The following ARB2A variants were observed in gnomAD, a reference collection of about 807,000 sequenced individuals.
ARB2A encodes cotranscriptional regulator ARB2A.
the ARB2A span, among the ~76,000 whole-genome samples, chr5:93,623,518 C>CA: frequency 5.3e-5 from 8 of 152,268 alleles, no homozygotes; most frequent in Non-Finnish European, 1.0e-4. Flanking sequence ...TTACGGGTAA[C>CA]AATCCTTCTG....
At chr5:93,868,318 TCAA>T in the ARB2A span, among the ~76,000 whole-genome samples, 3 of 151,976 alleles carry the variant, frequency 2.0e-5, no homozygotes, top group Admixed American at 6.6e-5. Flanking sequence ...GGACACTATC[TCAA>T]CAACAACAAG....
chr5:93,730,856 G>A, the ARB2A span, among the ~76,000 whole-genome samples: 4 of 152,074 alleles, frequency 2.6e-5, no homozygotes, highest in African/African-American at 9.7e-5. Context: ...GTCCTGCTCC[G>A]AAAATACAGA....
the ARB2A span, among the ~76,000 whole-genome samples, chr5:94,088,334 A>C: frequency 4.6e-5 from 7 of 152,312 alleles, no homozygotes; most frequent in South Asian, 1.2e-3. Flanking sequence ...TATTGTTTAA[A>C]ACTTGACTTA....
chr5:93,775,993 C>T, the ARB2A span, among the ~76,000 whole-genome samples: 5 of 152,152 alleles, frequency 3.3e-5, no homozygotes, highest in Non-Finnish European at 7.3e-5. Flanking sequence ...AGCTACTTAA[C>T]AAATATGTGA....
At chr5:93,881,991 GAAAT>G in the ARB2A span, among the ~76,000 whole-genome samples, 1 of 150,904 alleles carries the variant, frequency 6.6e-6, no homozygotes, top group Non-Finnish European at 1.5e-5. Flanking sequence ...AAAAATGACT[GAAAT>G]AAATTAGCAA....
the ARB2A span, among the ~76,000 whole-genome samples, chr5:94,085,109 T>C: frequency 6.6e-6 from 1 of 152,184 alleles, no homozygotes; most frequent in Admixed American, 6.5e-5. Flanking sequence ...AAAACTAGCA[T>C]GAGATATCCA....
At chr5:93,672,273 T>C in the ARB2A span, among the ~76,000 whole-genome samples, 1 of 152,042 alleles carries the variant, frequency 6.6e-6, no homozygotes, top group East Asian at 1.9e-4. Context: ...GCAGTAGTCT[T>C]AAAAAAGTAG....
At chr5:93,791,829 G>C in the ARB2A span, among the ~76,000 whole-genome samples, 1 of 152,108 alleles carries the variant, frequency 6.6e-6, no homozygotes, top group Non-Finnish European at 1.5e-5. Flanking sequence ...GCGGCCAGAA[G>C]AGAGCAGTAA....
chr5:93,756,504 G>A, the ARB2A span, among the ~76,000 whole-genome samples: 392 of 152,242 alleles, frequency 2.6e-3, 1 homozygote, highest in African/African-American at 7.7e-3. Context: ...TGGAACAGGC[G>A]TTGGTATCCA....
chr5:93,718,424 G>A, the ARB2A span, among the ~76,000 whole-genome samples: 4 of 152,032 alleles, frequency 2.6e-5, no homozygotes, highest in East Asian at 2.0e-4. Flanking sequence ...GCAATGGAGC[G>A]AGACTCCGTC....
chr5:93,787,799 T>C, the ARB2A span, among the ~76,000 whole-genome samples: 4,312 of 152,290 alleles, frequency 0.028, 187 homozygotes, highest in African/African-American at 0.098. Flanking sequence ...CAGTAAGGAA[T>C]GTTGAAATTC....
At chr5:93,740,120 C>T in the ARB2A span, 1 of 152,956 alleles carries the variant, frequency 6.5e-6, no homozygotes, top group Non-Finnish European at 1.5e-5. Flanking sequence ...AACTATTATC[C>T]TGGATTTTGT....
the ARB2A span, among the ~76,000 whole-genome samples, chr5:93,772,859 G>C: frequency 6.6e-6 from 1 of 152,216 alleles, no homozygotes; most frequent in Non-Finnish European, 1.5e-5. Context: ...GAGGACAAGA[G>C]AGAGCCTGAG....
chr5:93,896,997 T>C, the ARB2A span, among the ~76,000 whole-genome samples: 7 of 152,034 alleles, frequency 4.6e-5, no homozygotes, highest in African/African-American at 1.2e-4. Flanking sequence ...AGCGCTTGCA[T>C]ACTTTAAAGC....
chr5:93,736,616 G>A, the ARB2A span: 1 of 152,156 alleles, frequency 6.6e-6, no homozygotes, highest in African/African-American at 2.4e-5. Flanking sequence ...AGGTCTCTTA[G>A]GTGTGGGTGC....
the ARB2A span, among the ~76,000 whole-genome samples, chr5:93,873,210 T>G: frequency 6.7e-6 from 1 of 149,980 alleles, no homozygotes; most frequent in East Asian, 2.0e-4. Flanking sequence ...GAGGATTGCT[T>G]GAGGCCAGGA....
the ARB2A span, among the ~76,000 whole-genome samples, chr5:93,796,410 A>C: frequency 6.6e-6 from 1 of 152,198 alleles, no homozygotes; most frequent in East Asian, 1.9e-4. Flanking sequence ...GACCAGCTCA[A>C]TAAAAACCAT....
chr5:93,952,663 C>T, the ARB2A span, among the ~76,000 whole-genome samples: 1 of 152,094 alleles, frequency 6.6e-6, no homozygotes, highest in African/African-American at 2.4e-5. Context: ...GTTAAATCTG[C>T]TTGGAGTTCC....
chr5:93,850,551 A>C, the ARB2A span, among the ~76,000 whole-genome samples: 1 of 152,154 alleles, frequency 6.6e-6, no homozygotes, highest in South Asian at 2.1e-4. Flanking sequence ...TGATTAGAGA[A>C]TGTCACTAAG....
Sources: allele counts gnomAD v4.1 joint callset (sites outside exome capture counted in the v4.1 genomes callset), GRCh38; gene constraint gnomAD v4.1.1; transcripts MANE v1.5; gene names NCBI Gene and HGNC (gene_info 2026-07-23, HGNC 2026-07-21).